Variants in LRMDA observed in about 807,000 individuals in gnomAD.
LRMDA encodes leucine rich melanocyte differentiation associated.
A neutral mutation model predicts 29.8 loss-of-function variants in LRMDA; 18 were observed. The observed-to-expected ratio is 0.60, with a 90% CI of 0.42 to 0.90. The LOEUF (loss-of-function observed/expected upper bound fraction) is 0.90. Among genes scored for constraint, LRMDA ranks in the 40% least tolerant of loss-of-function variants. The probability of loss-of-function intolerance (pLI) is 0.00; values close to 1 mark genes in which losing one functional copy is unlikely to be tolerated. For missense variants in LRMDA, 273 were observed against 273.9 expected (o/e 1.00, Z 0.02); for synonymous variants, 125 against 109.4 (o/e 1.14, Z -0.89).
intron 2 of LRMDA, among the ~76,000 whole-genome samples, chr10:75,814,299 G>A (rs191738676): frequency 6.6e-6 from 1 of 152,296 alleles, no homozygotes; most frequent in Non-Finnish European, 1.5e-5. Context: ...CAACATTTTT[G>A]TCATTTTGGA....
At chr10:75,756,536 A>G (rs1158116594) in intron 2 of LRMDA, among the ~76,000 whole-genome samples, 3 of 152,158 alleles carry the variant, frequency 2.0e-5, no homozygotes, top group East Asian at 1.9e-4. Context: ...CCGACCATTG[A>G]TATTTTAGTG....
At chr10:75,831,724 G>A (rs1311615911) in intron 2 of LRMDA, among the ~76,000 whole-genome samples, 1 of 152,206 alleles carries the variant, frequency 6.6e-6, no homozygotes, top group Non-Finnish European at 1.5e-5. Flanking sequence ...TTTTGCCTGG[G>A]CATCCAGGCA....
At chr10:76,345,499 AAAT>A (rs1175173801) in intron 6 of LRMDA, among the ~76,000 whole-genome samples, 6 of 148,750 alleles carry the variant, frequency 4.0e-5, no homozygotes, top group African/African-American at 1.5e-4. Context: ...TTATATATAT[AAAT>A]AAAAGGGAAT....
intron 2 of LRMDA, among the ~76,000 whole-genome samples, chr10:75,953,097 G>A (rs141012929): frequency 5.3e-5 from 8 of 152,218 alleles, no homozygotes; most frequent in African/African-American, 1.9e-4. Context: ...TTAAGAGACA[G>A]GGTCTCGTTC....
intron 6 of LRMDA, among the ~76,000 whole-genome samples, chr10:76,431,871 TA>T: frequency 6.6e-6 from 1 of 152,306 alleles, no homozygotes; most frequent in East Asian, 1.9e-4. Flanking sequence ...TTTATGGCTT[TA>T]AAAAACGGGA....
chr10:75,435,012 C>T (rs538762327), intron 1 of LRMDA, among the ~76,000 whole-genome samples: 5 of 152,182 alleles, frequency 3.3e-5, no homozygotes, highest in African/African-American at 4.8e-5. Context: ...GTTTCTTCTC[C>T]GTAGGGGTCT....
intron 2 of LRMDA, among the ~76,000 whole-genome samples, chr10:75,486,944 C>T (rs1412145166): frequency 6.6e-6 from 1 of 152,176 alleles, no homozygotes; most frequent in Non-Finnish European, 1.5e-5. Flanking sequence ...GAAATTGGCA[C>T]GCACCTCAGT....
intron 5 of LRMDA, among the ~76,000 whole-genome samples, chr10:76,274,310 T>G (rs1840102940): frequency 6.6e-6 from 1 of 152,168 alleles, no homozygotes; most frequent in Non-Finnish European, 1.5e-5. Context: ...GTTGTGAAAA[T>G]GGTGTTTTTA....
Position 75,625,861 on chromosome 10 carries a change from A to AT in LRMDA, c.131+187379dup, listed in dbSNP as rs879302679. ...TTTTAATTTTTAAAGTGGAGAGAGT[A>AT]TTTTTTTTTTTTGAGGGTCTCACTC... On this transcript the variant is annotated intron_variant, in intron 2 of 6. Coordinates refer to ENST00000611255, the MANE Select transcript of LRMDA (RefSeq NM_001305581.2). Among the ~76,000 whole-genome samples, 166 of 145,578 alleles carry AT rather than the reference A, an allele frequency of 1.1e-3. 1 individual carries two copies. Among genetic ancestry groups the AT allele is most frequent in the East Asian group, 3.2e-3 (16 of 4,994 alleles).
Position 76,221,729 on chromosome 10 carries a change from A to G in LRMDA, c.517-102672A>G, listed in dbSNP as rs564592693. Among the ~76,000 whole-genome samples, 179 of 152,330 alleles carry G rather than the reference A, an allele frequency of 1.2e-3. 1 individual carries two copies. The highest frequency in any genetic ancestry group is 0.01 in the Middle Eastern group (3 of 294). ...TATAGATTCAATGCCATCCCCATCAAGCTACCAATGACTTTCTTCACAGAA... is the reference window on the plus strand; with the variant it reads ...TATAGATTCAATGCCATCCCCATCAGGCTACCAATGACTTTCTTCACAGAA... On this transcript the variant is annotated intron_variant, in intron 5 of 6. Transcript: ENST00000611255.
intron 2 of LRMDA, among the ~76,000 whole-genome samples, chr10:76,029,050 C>A (rs1848108480): frequency 2.0e-5 from 3 of 150,688 alleles, no homozygotes; most frequent in Admixed American, 1.3e-4. Flanking sequence ...CTCTTGACCT[C>A]ATGATCCACC....
chr10:76,206,493 C>T (rs1246808149), intron 5 of LRMDA, among the ~76,000 whole-genome samples: 4 of 152,194 alleles, frequency 2.6e-5, no homozygotes, highest in Non-Finnish European at 5.9e-5. Flanking sequence ...GAGGATCTTA[C>T]ACCCCTTGTG....
intron 2 of LRMDA, among the ~76,000 whole-genome samples, chr10:75,873,629 T>C (rs1030631437): frequency 3.3e-5 from 5 of 152,192 alleles, no homozygotes; most frequent in African/African-American, 1.2e-4. Flanking sequence ...TAAAACTAGG[T>C]GATTCATTTG....
At chr10:75,568,949 G>A (rs994669381) in intron 2 of LRMDA, among the ~76,000 whole-genome samples, 20 of 152,312 alleles carry the variant, frequency 1.3e-4, no homozygotes, top group South Asian at 1.0e-3. Context: ...TTGGATGAAT[G>A]TGGGCTTCTG....
At chr10:75,530,280 A>G (rs1000518027) in intron 2 of LRMDA, among the ~76,000 whole-genome samples, 3 of 151,988 alleles carry the variant, frequency 2.0e-5, no homozygotes, top group African/African-American at 7.3e-5. Context: ...AAAAAAAAAA[A>G]TAACATTGAT....
chr10:75,964,334 G>T (rs1004447059), intron 2 of LRMDA, among the ~76,000 whole-genome samples: 2 of 149,362 alleles, frequency 1.3e-5, no homozygotes, highest in African/African-American at 2.6e-5. Flanking sequence ...GAGACAGATT[G>T]GGGGGTCAAG....
intron 2 of LRMDA, among the ~76,000 whole-genome samples, chr10:75,535,893 T>G (rs1049219649): frequency 6.6e-6 from 1 of 152,196 alleles, no homozygotes; most frequent in African/African-American, 2.4e-5. Flanking sequence ...AGGCAGTGAT[T>G]AGAGCTCTTC....
At chr10:76,090,499 A>G (rs1253536666) in intron 5 of LRMDA, among the ~76,000 whole-genome samples, 1 of 152,246 alleles carries the variant, frequency 6.6e-6, no homozygotes, top group Non-Finnish European at 1.5e-5. Flanking sequence ...GAATTACTGT[A>G]CTATATGATC....
chr10:76,213,683 C>T (rs1434914242), intron 5 of LRMDA, among the ~76,000 whole-genome samples: 4 of 152,104 alleles, frequency 2.6e-5, no homozygotes, highest in Non-Finnish European at 4.4e-5. Flanking sequence ...ATAATATATT[C>T]GTAAAGTTTC....
Sources: allele counts gnomAD v4.1 joint callset (sites outside exome capture counted in the v4.1 genomes callset), GRCh38; gene constraint gnomAD v4.1.1; transcripts MANE v1.5; gene names NCBI Gene and HGNC (gene_info 2026-07-23, HGNC 2026-07-21).